The following ERBB4 variants were observed in gnomAD, a reference collection of about 807,000 sequenced individuals.
The protein encoded by ERBB4 is erb-b2 receptor tyrosine kinase 4.
A neutral mutation model predicts 158.0 loss-of-function variants in ERBB4; 42 were observed. That is an observed-to-expected ratio of 0.27 (90% confidence interval 0.21 to 0.34). ERBB4 has a LOEUF of 0.34. Among genes scored for constraint, ERBB4 ranks in the 10% least tolerant of loss-of-function variants. The probability of loss-of-function intolerance (pLI) is 1.00; values close to 1 mark genes in which losing one functional copy is unlikely to be tolerated. For missense variants in ERBB4, 1,333 were observed against 1,624.1 expected, an observed-to-expected ratio of 0.82 and a Z score of 3.08; for synonymous variants, 583 against 558.7, an observed-to-expected ratio of 1.04 and a Z score of -0.61.
intron 1 of ERBB4, among the ~76,000 whole-genome samples, chr2:212,192,119 ATAT>A (rs1385920878): frequency 1.3e-4 from 13 of 100,364 alleles, no homozygotes; most frequent in South Asian, 6.8e-4. Flanking sequence ...TATATTATAT[ATAT>A]TATGTGTTAT....
intron 20 of ERBB4, among the ~76,000 whole-genome samples, chr2:211,463,365 C>T (rs914325742): frequency 1.3e-5 from 2 of 152,136 alleles, no homozygotes; most frequent in African/African-American, 4.8e-5. Flanking sequence ...TGCACACTCA[C>T]ACCTCAGTGA....
At chr2:211,840,555 T>C (rs2077448397) in intron 3 of ERBB4, among the ~76,000 whole-genome samples, 2 of 152,026 alleles carry the variant, frequency 1.3e-5, no homozygotes, top group South Asian at 2.1e-4. Context: ...ACAAAAAGCA[T>C]AAAATTGGCT....
intron 16 of ERBB4, among the ~76,000 whole-genome samples, chr2:211,633,502 T>TTA (rs71054122): frequency 6.8e-6 from 1 of 147,876 alleles, no homozygotes; most frequent in East Asian, 2.0e-4. Flanking sequence ...TTTTTTTTTT[T>TTA]AAATTCACTA....
At chr2:211,503,868 C>T (rs189858327) in intron 20 of ERBB4, among the ~76,000 whole-genome samples, 1 of 152,250 alleles carries the variant, frequency 6.6e-6, no homozygotes, top group Non-Finnish European at 1.5e-5. Context: ...AAGGCCAGTG[C>T]TTGCACATGC....
intron 19 of ERBB4, among the ~76,000 whole-genome samples, chr2:211,592,351 T>C (rs1475262675): frequency 1.3e-5 from 2 of 152,124 alleles, no homozygotes; most frequent in African/African-American, 4.8e-5. Context: ...AGACGGAGTC[T>C]GTCTGGCTCT....
intron 1 of ERBB4, among the ~76,000 whole-genome samples, chr2:212,144,778 A>G (rs1460745810): frequency 6.6e-6 from 1 of 152,198 alleles, no homozygotes; most frequent in Non-Finnish European, 1.5e-5. Context: ...CTATCGCATA[A>G]AAAGTATTAC....
At chr2:211,416,271 C>T (rs780796318) in intron 25 of ERBB4, among the ~76,000 whole-genome samples, 12 of 151,442 alleles carry the variant, frequency 7.9e-5, no homozygotes, top group Admixed American at 2.6e-4. Flanking sequence ...TTTATTATAT[C>T]AAAAAAATAT....
At chr2:212,014,734 G>A (rs1559319295) in intron 2 of ERBB4, among the ~76,000 whole-genome samples, 2 of 151,878 alleles carry the variant, frequency 1.3e-5, no homozygotes, top group African/African-American at 2.4e-5. Context: ...CTGTTTAAAA[G>A]TACATAGTCA....
chr2:211,639,969 C>T (rs528991337), intron 16 of ERBB4, among the ~76,000 whole-genome samples: 5 of 152,156 alleles, frequency 3.3e-5, no homozygotes, highest in Admixed American at 1.3e-4. Flanking sequence ...GTGATCTGCC[C>T]GCCTCGGCCT....
intron 3 of ERBB4, among the ~76,000 whole-genome samples, chr2:211,826,550 A>G (rs2105957304): frequency 6.6e-6 from 1 of 152,024 alleles, no homozygotes; most frequent in Admixed American, 6.6e-5. Flanking sequence ...ACATCTCACA[A>G]GGGAGTAGAT....
At chr2:211,615,060 G>A (rs545400271) in intron 19 of ERBB4, among the ~76,000 whole-genome samples, 8 of 152,070 alleles carry the variant, frequency 5.3e-5, no homozygotes, top group African/African-American at 1.4e-4. Context: ...AAATTCATGC[G>A]AATGCAAAGC....
chr2:211,895,328 G>T (rs761452471), intron 3 of ERBB4, among the ~76,000 whole-genome samples: 2 of 152,140 alleles, frequency 1.3e-5, no homozygotes, highest in Non-Finnish European at 2.9e-5. Flanking sequence ...TACAATCATG[G>T]CTCACTTCAA....
intron 20 of ERBB4, among the ~76,000 whole-genome samples, chr2:211,481,968 A>G (rs2065093954): frequency 1.3e-5 from 2 of 152,284 alleles, no homozygotes; most frequent in South Asian, 2.1e-4. Flanking sequence ...AAGCCACAAG[A>G]TTGCTCCAGC....
At chr2:211,447,551 G>C (rs901809852) in intron 20 of ERBB4, among the ~76,000 whole-genome samples, 8 of 152,062 alleles carry the variant, frequency 5.3e-5, no homozygotes, top group Admixed American at 5.2e-4. Flanking sequence ...AAATATAATG[G>C]TTCTTTCTTT....
At chr2:211,738,234 A>G (rs2106173526) in intron 5 of ERBB4, among the ~76,000 whole-genome samples, 1 of 152,258 alleles carries the variant, frequency 6.6e-6, no homozygotes, top group East Asian at 1.9e-4. Flanking sequence ...CATTGATTAT[A>G]AGTAATGTCA....
chr2:212,390,831 T>C (rs901304635), intron 1 of ERBB4, among the ~76,000 whole-genome samples: 62 of 151,798 alleles, frequency 4.1e-4, no homozygotes, highest in African/African-American at 1.5e-3. Context: ...AAAAGGGACA[T>C]TAATTGTTTT....
intron 19 of ERBB4, among the ~76,000 whole-genome samples, chr2:211,579,674 T>C (rs1465661696): frequency 6.6e-6 from 1 of 152,000 alleles, no homozygotes; most frequent in Non-Finnish European, 1.5e-5. Flanking sequence ...TAGAGGCCAT[T>C]ATCCTTAGCA....
chr2:211,678,290 A>C (rs956989785), intron 13 of ERBB4, among the ~76,000 whole-genome samples: 2 of 7,488 alleles, frequency 2.7e-4, no homozygotes, highest in African/African-American at 3.9e-4. Context: ...GAGTAGAAAA[A>C]ACAAACAAAC....
intron 1 of ERBB4, among the ~76,000 whole-genome samples, chr2:212,140,805 A>G (rs1324041901): frequency 6.6e-6 from 1 of 151,324 alleles, no homozygotes; most frequent in Non-Finnish European, 1.5e-5. Context: ...ATAAAGTTCA[A>G]AAACAAACCA....
Sources: allele counts gnomAD v4.1 joint callset (sites outside exome capture counted in the v4.1 genomes callset), GRCh38; gene constraint gnomAD v4.1.1; transcripts MANE v1.5; gene names NCBI Gene and HGNC (gene_info 2026-07-23, HGNC 2026-07-21).